Variants in ZMAT4 observed in about 807,000 individuals in gnomAD.
ZMAT4 encodes zinc finger matrin-type protein 4.
Under a neutral mutation model 28.7 loss-of-function variants are expected in ZMAT4, and 17 were observed. That is an observed-to-expected ratio of 0.59 (90% CI 0.41 to 0.89). The LOEUF is 0.89. Among genes scored for constraint, ZMAT4 ranks in the 40% least tolerant of loss-of-function variants. The pLI, the probability that ZMAT4 is intolerant of heterozygous loss-of-function variation, is 0.00. For missense variants in ZMAT4, 240 were observed against 283.8 expected (o/e 0.85, Z 1.11); for synonymous variants, 117 against 109.2 (o/e 1.07, Z -0.44).
At chr8:40,548,310 A>G (rs1278605461) in intron 6 of ZMAT4, among the ~76,000 whole-genome samples, 1 of 152,034 alleles carries the variant, frequency 6.6e-6, no homozygotes, top group Non-Finnish European at 1.5e-5. Flanking sequence ...ACAGAGAAGG[A>G]GGAGGAAGAA....
chr8:40,809,886 A>C (rs1815249460), intron 2 of ZMAT4, among the ~76,000 whole-genome samples: 1 of 152,110 alleles, frequency 6.6e-6, no homozygotes, highest in African/African-American at 2.4e-5. Context: ...TCTACTAAAA[A>C]TACAAAAATT....
At chr8:40,573,437 G>A (rs1804162191) in intron 6 of ZMAT4, among the ~76,000 whole-genome samples, 1 of 152,064 alleles carries the variant, frequency 6.6e-6, no homozygotes, top group Non-Finnish European at 1.5e-5. Flanking sequence ...GCCTTCATCT[G>A]CACTTAGCCT....
intron 2 of ZMAT4, among the ~76,000 whole-genome samples, chr8:40,789,389 CATG>C (rs1196621014): frequency 1.3e-5 from 2 of 152,008 alleles, no homozygotes; most frequent in African/African-American, 4.8e-5. Context: ...TTCTAGCCAG[CATG>C]ATAAGGCAAG....
chr8:40,547,038 A>C (rs921645799), intron 6 of ZMAT4, among the ~76,000 whole-genome samples: 9 of 152,228 alleles, frequency 5.9e-5, no homozygotes, highest in African/African-American at 2.2e-4. Context: ...CTTAAGGTGC[A>C]TCATTTGCAA....
intron 2 of ZMAT4, among the ~76,000 whole-genome samples, chr8:40,805,191 C>T (rs1226699450): frequency 6.6e-6 from 1 of 151,888 alleles, no homozygotes; most frequent in African/African-American, 2.4e-5. Flanking sequence ...TGAAAAAATG[C>T]TCACCATCAC....
intron 6 of ZMAT4, among the ~76,000 whole-genome samples, chr8:40,544,549 C>T (rs1803139126): frequency 6.6e-6 from 1 of 152,074 alleles, no homozygotes; most frequent in Non-Finnish European, 1.5e-5. Context: ...CTGAGCAGAC[C>T]CCAAAGGTGG....
At chr8:40,688,573 A>C (rs1310724063) in intron 4 of ZMAT4, among the ~76,000 whole-genome samples, 2 of 152,186 alleles carry the variant, frequency 1.3e-5, no homozygotes, top group African/African-American at 4.8e-5. Flanking sequence ...TACAAACCTT[A>C]GGTGGATTTA....
At chr8:40,651,141 C>T (rs1441480996) in intron 5 of ZMAT4, among the ~76,000 whole-genome samples, 1 of 152,044 alleles carries the variant, frequency 6.6e-6, no homozygotes, top group Non-Finnish European at 1.5e-5. Context: ...CAAATTGTCC[C>T]TGTTTGCAGA....
At chr8:40,658,734 GCT>G (rs1808051959) in intron 5 of ZMAT4, among the ~76,000 whole-genome samples, 1 of 151,538 alleles carries the variant, frequency 6.6e-6, no homozygotes, top group South Asian at 2.1e-4. Flanking sequence ...GTTCCCCAGA[GCT>G]CTCTCCTTTG....
At position 40,539,546 on chromosome 8, in the gene ZMAT4, C is replaced by T. The variant is rs181456922; in HGVS notation, c.675-7308G>A. ...TACCAATTGTTACTAGTTGGATGTTCATGTACATGGTTATTAATTTCATTT... is the reference window on the plus strand; with the variant it reads ...TACCAATTGTTACTAGTTGGATGTTTATGTACATGGTTATTAATTTCATTT... On this transcript the variant is annotated intron_variant, in intron 6 of 6. Coordinates refer to ENST00000297737, the MANE Select transcript of ZMAT4 (RefSeq NM_024645.3). Among the ~76,000 whole-genome samples the T allele has an allele frequency of 2.6e-5, 4 of 152,330 alleles. No individual in the cohort carries two copies. The East Asian group carries it at 7.7e-4, about 29-fold the overall frequency.
chr8:40,810,815 T>C (rs1815285288), intron 2 of ZMAT4, among the ~76,000 whole-genome samples: 1 of 151,722 alleles, frequency 6.6e-6, no homozygotes, highest in Non-Finnish European at 1.5e-5. Flanking sequence ...CAACAAGGAA[T>C]ATAGGAGGAA....
chr8:40,585,937 T>C lies in ZMAT4; in HGVS notation c.578-4676A>G, dbSNP rs146526403. ...TGCAATAGGCATAAATATTTATGTT[T>C]AAAAATGGGCATTTTTAAGAACTCC... On this transcript the variant is annotated intron_variant, in intron 5 of 6. Transcript: ENST00000297737. Among the ~76,000 whole-genome samples, 313 of 152,370 alleles carry C rather than the reference T, an allele frequency of 2.1e-3. 1 individual carries two copies. The highest frequency in any genetic ancestry group is 7.0e-3 in the African/African-American group (292 of 41,594).
At chr8:40,776,984 C>G (rs1813625548) in intron 2 of ZMAT4, among the ~76,000 whole-genome samples, 1 of 151,516 alleles carries the variant, frequency 6.6e-6, no homozygotes, top group Non-Finnish European at 1.5e-5. Context: ...TGAACCTGAC[C>G]TCCTGGGTCC....
chr8:40,847,870 T>A (rs761623672), intron 1 of ZMAT4, among the ~76,000 whole-genome samples: 18 of 152,310 alleles, frequency 1.2e-4, no homozygotes, highest in Middle Eastern at 3.4e-3. Flanking sequence ...CAGAAAACCC[T>A]GAGGTCAGCC....
At chr8:40,557,429 T>C (rs1362433173) in intron 6 of ZMAT4, among the ~76,000 whole-genome samples, 1 of 152,208 alleles carries the variant, frequency 6.6e-6, no homozygotes, top group African/African-American at 2.4e-5. Context: ...TTTTTTCTAG[T>C]ACTATTTTAA....
At chr8:40,696,992 T>C (rs1809917096) in intron 4 of ZMAT4, 1 of 379,788 alleles carries the variant, frequency 2.6e-6, no homozygotes, top group Non-Finnish European at 4.7e-6. Context: ...CACACAGCTC[T>C]TCAGCAGATG....
intron 2 of ZMAT4, among the ~76,000 whole-genome samples, chr8:40,820,284 TTA>T (rs1815708362): frequency 6.8e-6 from 1 of 146,048 alleles, no homozygotes; most frequent in Admixed American, 6.9e-5. Context: ...AGATGTGTAT[TTA>T]TGTGTGTATG....
intron 3 of ZMAT4, among the ~76,000 whole-genome samples, chr8:40,755,578 G>A (rs1410749646): frequency 2.6e-5 from 4 of 151,896 alleles, no homozygotes; most frequent in Admixed American, 6.6e-5. Context: ...TCAGCCTCCC[G>A]GGAAGCTGGG....
At chr8:40,859,460 ACACACACACACATG>A (rs1440419745) in intron 1 of ZMAT4, among the ~76,000 whole-genome samples, 2 of 149,462 alleles carry the variant, frequency 1.3e-5, no homozygotes, top group African/African-American at 5.0e-5. Context: ...AGCAACGCAC[ACACACACACACATG>A]CACACACACA....
Sources: allele counts gnomAD v4.1 joint callset (sites outside exome capture counted in the v4.1 genomes callset), GRCh38; gene constraint gnomAD v4.1.1; transcripts MANE v1.5; gene names NCBI Gene and HGNC (gene_info 2026-07-23, HGNC 2026-07-21).